Variants in SDK1 observed in about 807,000 individuals in gnomAD.
SDK1 encodes the protein protein sidekick-1.
In SDK1, 157 loss-of-function variants were observed where a neutral mutation model predicts 245.5. That is an observed-to-expected ratio of 0.64 (90% CI 0.56 to 0.73). The LOEUF (loss-of-function observed/expected upper bound fraction) is 0.73. Ranked by LOEUF, SDK1 falls within the 30% of genes least tolerant of loss-of-function variation. SDK1 has a pLI of 0.00. For missense variants in SDK1, 3,583 were observed against 3,002.3 expected (o/e 1.19, Z -4.52); for synonymous variants, 1,647 against 1,278.5 (o/e 1.29, Z -6.15).
chr7:4,061,435 C>T (rs1414131695), intron 19 of SDK1, among the ~76,000 whole-genome samples: 2 of 151,894 alleles, frequency 1.3e-5, no homozygotes, highest in Non-Finnish European at 2.9e-5. Flanking sequence ...CAATGAGATA[C>T]CATCTCACAC....
At chr7:3,441,058 T>C (rs1021621845) in intron 1 of SDK1, among the ~76,000 whole-genome samples, 1 of 152,134 alleles carries the variant, frequency 6.6e-6, no homozygotes, top group Non-Finnish European at 1.5e-5. Flanking sequence ...TCACCCTACT[T>C]CATCTCATTA....
chr7:4,161,680 AG>A (rs774769026), intron 31 of SDK1, 105 bp from the exon 32 acceptor site: 34 of 851,836 alleles, frequency 4.0e-5, no homozygotes, highest in Non-Finnish European at 6.5e-5. Context: ...AGAAGGAAGG[AG>A]GCAGGGCTCA....
At chr7:3,565,601 C>G (rs530094340) in intron 1 of SDK1, among the ~76,000 whole-genome samples, 1 of 152,202 alleles carries the variant, frequency 6.6e-6, no homozygotes, top group Non-Finnish European at 1.5e-5. Context: ...ACAGTCATCT[C>G]TTGGTATCTG....
At chr7:3,528,050 G>C (rs1388357680) in intron 1 of SDK1, among the ~76,000 whole-genome samples, 1 of 150,206 alleles carries the variant, frequency 6.7e-6, no homozygotes, top group Non-Finnish European at 1.5e-5. Context: ...GCTAGGGGTT[G>C]AGTGGTGGGA....
intron 1 of SDK1, among the ~76,000 whole-genome samples, chr7:3,580,197 C>T (rs1446627430): frequency 6.6e-6 from 1 of 152,156 alleles, no homozygotes; most frequent in African/African-American, 2.4e-5. Flanking sequence ...GAATCAGTAT[C>T]ATTAAAATGG....
chr7:4,000,423 T>G (rs1439496100), intron 14 of SDK1, among the ~76,000 whole-genome samples: 1 of 152,200 alleles, frequency 6.6e-6, no homozygotes, highest in African/African-American at 2.4e-5. Flanking sequence ...GCACGTTCTC[T>G]GAGTCCCAGT....
intron 17 of SDK1, among the ~76,000 whole-genome samples, chr7:4,029,840 T>C (rs1429981740): frequency 6.6e-6 from 1 of 152,092 alleles, no homozygotes; most frequent in Non-Finnish European, 1.5e-5. Flanking sequence ...GAATCAGAAA[T>C]CAAAAATAAA....
Position 4,129,672 on chromosome 7 carries a change from C to T in SDK1, c.3940-236C>T, listed in dbSNP as rs1784659564. The T allele has an allele frequency of 4.3e-6, 6 of 1,382,534 alleles. No homozygotes were observed. In the South Asian group the frequency reaches 9.8e-5, roughly 23 times the overall value. 85.6% of individuals were successfully genotyped at this position (1,382,534 alleles called of 1,614,324 possible). On this transcript the variant is annotated intron_variant, in intron 26 of 44. Coordinates refer to ENST00000404826, the MANE Select transcript of SDK1 (RefSeq NM_152744.4). ...TTGCAGATTATGACCAGGCAGCAGGCTCGCCAAGCCGTGGGCACTAACTCA... is the reference window on the plus strand; with the variant it reads ...TTGCAGATTATGACCAGGCAGCAGGTTCGCCAAGCCGTGGGCACTAACTCA...
chr7:3,556,867 C>G lies in SDK1; in HGVS notation c.299-62213C>G, dbSNP rs190210999. Among the ~76,000 whole-genome samples, 410 of 152,184 alleles carry G rather than the reference C, an allele frequency of 2.7e-3. 2 individuals carry two copies. Among genetic ancestry groups the G allele is most frequent in the Admixed American group, 5.8e-3 (88 of 15,278 alleles). ...TTGTAACACAAAGAAGGGATTAGTA[C>G]TTACGTGATGGATACCCATACCCCG... On this transcript the variant is annotated intron_variant, in intron 1 of 44. Coordinates refer to ENST00000404826, the MANE Select transcript of SDK1 (RefSeq NM_152744.4).
intron 19 of SDK1, among the ~76,000 whole-genome samples, chr7:4,052,286 G>A (rs1166035465): frequency 6.7e-6 from 1 of 148,404 alleles, no homozygotes; most frequent in Non-Finnish European, 1.5e-5. Context: ...TCAGTTCGAA[G>A]CCACTCCTTC....
chr7:3,426,078 C>T (rs1385826202), intron 1 of SDK1, among the ~76,000 whole-genome samples: 4 of 152,188 alleles, frequency 2.6e-5, no homozygotes, highest in African/African-American at 9.7e-5. Flanking sequence ...TTATCTTCCC[C>T]TTGTTCCAAG....
intron 33 of SDK1, 126 bp from the exon 34 acceptor site, chr7:4,175,648 GA>G: frequency 1.3e-6 from 1 of 798,274 alleles, no homozygotes; most frequent in Admixed American, 1.7e-5. Context: ...ATTGCCCCGG[GA>G]GGCGCAGCGT....
intron 4 of SDK1, among the ~76,000 whole-genome samples, chr7:3,672,785 ATATAT>A (rs1400682003): frequency 9.5e-6 from 1 of 105,154 alleles, no homozygotes; most frequent in African/African-American, 3.5e-5. Flanking sequence ...ATATATATAT[ATATAT>A]ATATAAAAAA....
intron 1 of SDK1, among the ~76,000 whole-genome samples, chr7:3,386,046 CAAAT>C (rs985474893): frequency 4.6e-5 from 7 of 151,862 alleles, no homozygotes; most frequent in South Asian, 2.1e-4. Context: ...TAATATTACT[CAAAT>C]AAACGATGGG....
chr7:3,925,656 C>T (rs1204089903), intron 5 of SDK1, among the ~76,000 whole-genome samples: 6 of 152,152 alleles, frequency 3.9e-5, no homozygotes, highest in African/African-American at 1.2e-4. Flanking sequence ...ATGAGGCACA[C>T]GGATCCTTCC....
intron 30 of SDK1, among the ~76,000 whole-genome samples, chr7:4,152,578 T>G (rs1780457849): frequency 6.6e-6 from 1 of 152,208 alleles, no homozygotes; most frequent in South Asian, 2.1e-4. Flanking sequence ...GGTCCATGTT[T>G]CAGGACAGAC....
chr7:3,386,244 G>T (rs1307871200), intron 1 of SDK1, among the ~76,000 whole-genome samples: 1 of 152,158 alleles, frequency 6.6e-6, no homozygotes, highest in Non-Finnish European at 1.5e-5. Context: ...AGATGTGCAA[G>T]ATTTGGTTTT....
At chr7:3,483,342 C>A (rs548443551) in intron 1 of SDK1, among the ~76,000 whole-genome samples, 1 of 151,894 alleles carries the variant, frequency 6.6e-6, no homozygotes, top group Non-Finnish European at 1.5e-5. Context: ...CCCACTTTTC[C>A]ATTTATGTTG....
At chr7:3,626,538 A>G (rs762590211) in intron 2 of SDK1, among the ~76,000 whole-genome samples, 2 of 152,198 alleles carry the variant, frequency 1.3e-5, no homozygotes, top group Non-Finnish European at 2.9e-5. Flanking sequence ...TGGGTGGCCC[A>G]GGCCCTCATC....
Sources: gnomAD v4.1 joint callset for allele counts (sites outside exome capture counted in the v4.1 genomes callset) on GRCh38, gnomAD v4.1.1 for gene constraint, MANE v1.5 for transcripts, NCBI Gene and HGNC (gene_info 2026-07-23, HGNC 2026-07-21) for gene names.